COL4A6: variants seen among roughly 807,000 people sequenced by gnomAD.
The protein encoded by COL4A6 is collagen alpha-6(IV) chain.
Under a neutral mutation model 126.7 loss-of-function variants are expected in COL4A6, and 59 were observed. The observed-to-expected ratio is 0.47, with a 90% CI of 0.38 to 0.58. The LOEUF (loss-of-function observed/expected upper bound fraction) is 0.58, where lower values mean the gene tolerates loss of function less well. Ranked by LOEUF, COL4A6 falls within the 20% of genes least tolerant of loss-of-function variation. The probability of loss-of-function intolerance (pLI) is 0.00; values close to 1 mark genes in which losing one functional copy is unlikely to be tolerated. For missense variants in COL4A6, 1,285 were observed against 1,337.3 expected, an observed-to-expected ratio of 0.96 and a Z score of 0.61; for synonymous variants, 547 against 496.6, an observed-to-expected ratio of 1.10 and a Z score of -1.35.
In COL4A6 at chrX:108,382,962, AAATAAT is replaced by A. The variant is rs4035941; in HGVS notation, c.63+54974_63+54979del. On this transcript the variant is annotated intron_variant, in intron 2 of 44. Coordinates refer to ENST00000334504, the MANE Select transcript of COL4A6 (RefSeq NM_033641.4). ...GACCCTGTCTCCATTCCCCCGCCAA[AAATAAT>A]AATAATAATAATAATAATAATAATA... Among the ~76,000 whole-genome samples, 878 of 88,284 alleles carry A rather than the reference AAATAAT, an allele frequency of 9.9e-3. 15 individuals carry two copies. The highest frequency in any genetic ancestry group is 0.033 in the African/African-American group (796 of 24,149). 76.7% of individuals were successfully genotyped at this position (88,284 alleles called of 115,157 possible).
At chrX:108,399,106 A>G (rs2041031395) in intron 2 of COL4A6, among the ~76,000 whole-genome samples, 1 of 111,417 alleles carries the variant, frequency 9.0e-6, no homozygotes, top group Non-Finnish European at 1.9e-5. Context: ...GAGGCACATA[A>G]GTAGGTAGTA....
chrX:108,282,515 G>A (rs973568157), intron 3 of COL4A6, among the ~76,000 whole-genome samples: 1 of 111,516 alleles, frequency 9.0e-6, no homozygotes, highest in Non-Finnish European at 1.9e-5. Context: ...TGGAGAGGAT[G>A]TGGAGAAATA....
At chrX:108,277,767 AT>A (rs1005372452) in intron 3 of COL4A6, among the ~76,000 whole-genome samples, 1 of 111,629 alleles carries the variant, frequency 9.0e-6, no homozygotes, top group Non-Finnish European at 1.9e-5. Context: ...GACACCTCAC[AT>A]GGCCGGGTAC....
In COL4A6 at chrX:108,165,506, G is replaced by A. The variant is rs1281429121; in HGVS notation, c.3692-20C>T. ...GGAAACCTGTAAAGAATAAATAAAA[G>A]GGGCTGGATAGGCTCTGTGTGCCCA... On this transcript the variant is annotated intron_variant, in intron 37 of 44. Coordinates refer to ENST00000334504, the MANE Select transcript of COL4A6 (RefSeq NM_033641.4). The A allele has an allele frequency of 3.8e-6, 4 of 1,060,598 alleles. No individual in the cohort carries two copies. Among genetic ancestry groups the A allele is most frequent in the Non-Finnish European group, 5.1e-6 (4 of 787,271 alleles). The allele number at this position is 1,060,598 out of a possible 1,213,427, so 87.4% of individuals were successfully genotyped here.
intron 3 of COL4A6, among the ~76,000 whole-genome samples, chrX:108,309,726 G>A (rs2038715454): frequency 9.3e-6 from 1 of 107,967 alleles, no homozygotes; most frequent in Non-Finnish European, 1.9e-5. Flanking sequence ...AGTCTTCTTT[G>A]AGTGTGATGA....
chrX:108,434,428 C>T (rs2064226982), intron 2 of COL4A6, among the ~76,000 whole-genome samples: 1 of 110,587 alleles, frequency 9.0e-6, no homozygotes, highest in Admixed American at 9.7e-5. Context: ...TCAGCCTCCT[C>T]CTAAGTAGCT....
chrX:108,297,849 A>C (rs1344242753), intron 3 of COL4A6, among the ~76,000 whole-genome samples: 1 of 109,194 alleles, frequency 9.2e-6, no homozygotes, highest in Non-Finnish European at 1.9e-5. Flanking sequence ...GCTTGCATGC[A>C]GTCCCTCCCC....
chrX:108,398,961 G>C (rs1390005879), intron 2 of COL4A6, among the ~76,000 whole-genome samples: 1 of 111,801 alleles, frequency 8.9e-6, no homozygotes. Flanking sequence ...AGAATAAGCA[G>C]AAGGATGTGG....
At chrX:108,224,969 G>C (rs2036124412) in intron 3 of COL4A6, among the ~76,000 whole-genome samples, 1 of 103,834 alleles carries the variant, frequency 9.6e-6, no homozygotes, top group African/African-American at 3.6e-5. Flanking sequence ...ACCAGTGTCA[G>C]AGAAGTCACA....
At chrX:108,383,381 A>C (rs1438317244) in intron 2 of COL4A6, 2 of 445,838 alleles carry the variant, frequency 4.5e-6, no homozygotes, top group African/African-American at 4.8e-5. Flanking sequence ...CCAAGCTATA[A>C]GAAGTAAAAC....
At chrX:108,304,035 A>T (rs996791566) in intron 3 of COL4A6, among the ~76,000 whole-genome samples, 2 of 111,723 alleles carry the variant, frequency 1.8e-5, no homozygotes, top group Non-Finnish European at 3.8e-5. Flanking sequence ...CAAATCTCTC[A>T]TCCCACCTAT....
At chrX:108,287,197 A>G (rs1448846429) in intron 3 of COL4A6, among the ~76,000 whole-genome samples, 2 of 112,254 alleles carry the variant, frequency 1.8e-5, no homozygotes, top group Non-Finnish European at 3.8e-5. Flanking sequence ...AAAAACACCA[A>G]AAGTTATAAT....
intron 13 of COL4A6, among the ~76,000 whole-genome samples, chrX:108,199,530 G>A (rs183204685): frequency 8.9e-6 from 1 of 111,815 alleles, no homozygotes; most frequent in East Asian, 2.8e-4. Flanking sequence ...GCTGTTCCAT[G>A]TAAAGGGGTT....
chrX:108,425,516 C>T (rs1017047552), intron 2 of COL4A6, among the ~76,000 whole-genome samples: 7 of 109,900 alleles, frequency 6.4e-5, no homozygotes, highest in African/African-American at 1.0e-4. Flanking sequence ...GGATGGATCA[C>T]GAGGTCAGGA....
intron 2 of COL4A6, among the ~76,000 whole-genome samples, chrX:108,392,481 A>T (rs2040859897): frequency 1.8e-5 from 2 of 111,226 alleles, no homozygotes; most frequent in African/African-American, 3.3e-5. Flanking sequence ...CTGTTCTCCA[A>T]AGAAAATATT....
chrX:108,191,346 G>T (rs1363493804), intron 19 of COL4A6, 47 bp downstream of exon 19: 9 of 1,187,585 alleles, frequency 7.6e-6, no homozygotes, highest in Non-Finnish European at 1.0e-5. Context: ...TCTGCAGTCT[G>T]GATCACATCT....
chrX:108,219,747 A>G lies in COL4A6; in HGVS notation c.280-5T>C. 8.3e-7 allele frequency: 1 copy of G among 1,200,662 alleles called. No homozygotes were observed. The highest frequency in any genetic ancestry group is 3.0e-5 in the East Asian group (1 of 33,756). On this transcript the variant is annotated splice_region_variant and splice_polypyrimidine_tract_variant and intron_variant, in intron 4 of 44. Coordinates refer to ENST00000334504, the MANE Select transcript of COL4A6 (RefSeq NM_033641.4). ...GCCAGGAACTCCCATGGGACCCTAA[A>G]AAAAGGAGTAGGGAGAGGAATGTAA...
chrX:108,176,005 G>T (rs956219423), intron 28 of COL4A6, among the ~76,000 whole-genome samples: 15 of 110,539 alleles, frequency 1.4e-4, no homozygotes, highest in Non-Finnish European at 2.8e-4. Flanking sequence ...ATAGGGACAT[G>T]GCACTACACA....
intron 2 of COL4A6, among the ~76,000 whole-genome samples, chrX:108,391,054 C>A (rs2040826089): frequency 9.0e-6 from 1 of 111,265 alleles, no homozygotes; most frequent in Non-Finnish European, 1.9e-5. Context: ...AGATGGTGTT[C>A]CTTCCTCTGG....
Sources: gnomAD v4.1 joint callset for allele counts (sites outside exome capture counted in the v4.1 genomes callset) on GRCh38, gnomAD v4.1.1 for gene constraint, MANE v1.5 for transcripts, NCBI Gene and HGNC (gene_info 2026-07-23, HGNC 2026-07-21) for gene names.